Variants in OR9Q1 observed in about 807,000 individuals in gnomAD.
The protein encoded by OR9Q1 is olfactory receptor family 9 subfamily Q member 1.
For missense variants in OR9Q1, 374 were observed against 378.8 expected, an observed-to-expected ratio of 0.99 and a Z score of 0.11; for synonymous variants, 153 against 148.6, an observed-to-expected ratio of 1.03 and a Z score of -0.22.
chr11:58,024,712 T>G (rs1852953713), intron 1 of OR9Q1, among the ~76,000 whole-genome samples: 1 of 152,168 alleles, frequency 6.6e-6, no homozygotes, highest in African/African-American at 2.4e-5. Context: ...TGCATGGCAC[T>G]TGGTGGATAA....
intron 2 of OR9Q1, chr11:58,118,784 T>C: frequency 1.2e-6 from 2 of 1,614,078 alleles, no homozygotes; most frequent in Non-Finnish European, 1.7e-6. Context: ...GTCTTGATGA[T>C]GAGCAGATAG....
intron 2 of OR9Q1, among the ~76,000 whole-genome samples, chr11:58,100,875 G>A (rs867580483): frequency 8.5e-5 from 13 of 152,142 alleles, no homozygotes; most frequent in Admixed American, 3.3e-4. Context: ...CAGCATGGAT[G>A]GAACTGGAGA....
chr11:58,056,759 T>G (rs1267256237), intron 2 of OR9Q1, among the ~76,000 whole-genome samples: 1 of 152,134 alleles, frequency 6.6e-6, no homozygotes, highest in Admixed American at 6.5e-5. Flanking sequence ...AAGAAAAATC[T>G]TATGCTTCAC....
At chr11:58,087,649 C>T (rs1339877324) in intron 2 of OR9Q1, among the ~76,000 whole-genome samples, 2 of 151,784 alleles carry the variant, frequency 1.3e-5, no homozygotes, top group East Asian at 3.9e-4. Flanking sequence ...CTGCACCCAT[C>T]AACTCGTCAT....
At chr11:58,153,042 T>C (rs894628926) in intron 2 of OR9Q1, among the ~76,000 whole-genome samples, 1 of 152,200 alleles carries the variant, frequency 6.6e-6, no homozygotes, top group Non-Finnish European at 1.5e-5. Flanking sequence ...AAGCTCTTCT[T>C]CAATTAGTAC....
At chr11:58,166,057 C>T (rs968755787) in intron 2 of OR9Q1, among the ~76,000 whole-genome samples, 6 of 152,142 alleles carry the variant, frequency 3.9e-5, no homozygotes, top group South Asian at 4.1e-4. Context: ...AACCATATAA[C>T]GATGATAATG....
chr11:58,025,004 CCCAAGTTTACTT>C (rs1565051569), intron 1 of OR9Q1, among the ~76,000 whole-genome samples: 2 of 152,132 alleles, frequency 1.3e-5, no homozygotes, highest in African/African-American at 2.4e-5. Context: ...TTTGATCTTG[CCCAAGTTTACTT>C]ACTGTCTCTC....
At chr11:58,144,060 G>T (rs1854275842) in intron 2 of OR9Q1, among the ~76,000 whole-genome samples, 2 of 151,274 alleles carry the variant, frequency 1.3e-5, no homozygotes, top group Admixed American at 6.6e-5. Flanking sequence ...TAAGTTTTAG[G>T]GTACATGTGC....
At chr11:58,160,416 TTTGATC>T (rs1443783186) in intron 2 of OR9Q1, among the ~76,000 whole-genome samples, 6 of 151,204 alleles carry the variant, frequency 4.0e-5, no homozygotes, top group Non-Finnish European at 7.4e-5. Context: ...TTCCAAGAAT[TTTGATC>T]TGAATGAGTA....
intron 2 of OR9Q1, among the ~76,000 whole-genome samples, chr11:58,082,090 A>G (rs953466751): frequency 1.4e-4 from 22 of 152,288 alleles, no homozygotes; most frequent in African/African-American, 4.1e-4. Context: ...TAGAATGACA[A>G]TCATTAAAAA....
At chr11:58,115,912 C>T (rs945631655) in intron 2 of OR9Q1, among the ~76,000 whole-genome samples, 1 of 152,196 alleles carries the variant, frequency 6.6e-6, no homozygotes, top group South Asian at 2.1e-4. Context: ...ACTCCCCTTG[C>T]TCCTATATCT....
chr11:58,103,911 G>A (rs1179630458), intron 2 of OR9Q1, among the ~76,000 whole-genome samples: 1 of 152,172 alleles, frequency 6.6e-6, no homozygotes, highest in African/African-American at 2.4e-5. Flanking sequence ...TTGGGAATTT[G>A]TAGTAGCAGA....
At chr11:58,054,496 A>T (rs1382607725) in intron 1 of OR9Q1, among the ~76,000 whole-genome samples, 1 of 152,196 alleles carries the variant, frequency 6.6e-6, no homozygotes, top group Non-Finnish European at 1.5e-5. Context: ...TTACTCTTTC[A>T]ACTACAATAT....
At chr11:58,106,390 C>T (rs1256828209) in intron 2 of OR9Q1, among the ~76,000 whole-genome samples, 3 of 151,950 alleles carry the variant, frequency 2.0e-5, no homozygotes, top group African/African-American at 7.3e-5. Context: ...TATATTTTAG[C>T]AATTAACTTC....
At chr11:58,131,721 C>T (rs949248742) in intron 2 of OR9Q1, among the ~76,000 whole-genome samples, 2 of 151,988 alleles carry the variant, frequency 1.3e-5, no homozygotes, top group African/African-American at 4.8e-5. Flanking sequence ...CCTAGACTTT[C>T]AGGGTATGGA....
At chr11:58,162,433 C>T (rs997221245) in intron 2 of OR9Q1, among the ~76,000 whole-genome samples, 6 of 152,042 alleles carry the variant, frequency 3.9e-5, no homozygotes, top group African/African-American at 9.7e-5. Context: ...TGTTTCAGAG[C>T]GAGGAATAGG....
intron 2 of OR9Q1, among the ~76,000 whole-genome samples, chr11:58,100,536 CAT>C (rs1248523735): frequency 7.2e-5 from 11 of 152,230 alleles, no homozygotes; most frequent in African/African-American, 2.4e-4. Flanking sequence ...TTATGTTACA[CAT>C]GTTTACGCTT....
chr11:58,048,006 C>T (rs1251598480), intron 1 of OR9Q1, among the ~76,000 whole-genome samples: 1 of 152,084 alleles, frequency 6.6e-6, no homozygotes, highest in East Asian at 1.9e-4. Context: ...TTCTCATGTT[C>T]CAAGTTTGTG....
At chr11:58,154,521 T>A (rs1854387328) in intron 2 of OR9Q1, among the ~76,000 whole-genome samples, 1 of 152,114 alleles carries the variant, frequency 6.6e-6, no homozygotes, top group Non-Finnish European at 1.5e-5. Context: ...CCAAGAGAGA[T>A]GGCTTTCCTT....
Sources: gnomAD v4.1 joint callset for allele counts (sites outside exome capture counted in the v4.1 genomes callset) on GRCh38, gnomAD v4.1.1 for gene constraint, MANE v1.5 for transcripts, NCBI Gene and HGNC (gene_info 2026-07-23, HGNC 2026-07-21) for gene names.